SH3RF2: variants seen among roughly 807,000 people sequenced by gnomAD.
SH3RF2 encodes the protein SH3 domain containing ring finger 2.
Under a neutral mutation model 59.0 loss-of-function variants are expected in SH3RF2, and 43 were observed. The ratio of observed to expected loss-of-function variants is 0.73; its 90% confidence interval spans 0.57 to 0.94. The LOEUF is 0.94. Ranked by LOEUF, SH3RF2 falls within the 40% of genes least tolerant of loss-of-function variation. The probability of loss-of-function intolerance (pLI) is 0.00; values close to 1 mark genes in which losing one functional copy is unlikely to be tolerated. For synonymous variants in SH3RF2, 391 were observed against 391.5 expected (o/e 1.00, Z 0.01); for missense variants, 930 against 940.1 (o/e 0.99, Z 0.14).
chr5:145,938,253 C>T lies in SH3RF2; in HGVS notation c.325C>T (p.Leu109=). 6.2e-7 allele frequency: 1 copy of T among 1,604,804 alleles called. No homozygotes were observed. The highest frequency in any genetic ancestry group is 2.2e-5 in the East Asian group (1 of 44,874). The change falls in exon 2 of 10, where the codon CTG becomes TTG. Residue 109 remains leucine, a synonymous_variant. Coordinates refer to ENST00000359120, the MANE Select transcript of SH3RF2 (RefSeq NM_152550.4). ...GAAAAGCAGGACCAACCCCAGACGT[C>T]TGCAGGCCAGTCCTTTCCGGCTAGT... ...GRKSRTNPRR[L]QASPFRLVPN... is the part of the protein sequence containing the mutation.
intron 2 of SH3RF2, among the ~76,000 whole-genome samples, chr5:145,959,127 T>G (rs1441037425): frequency 6.6e-6 from 1 of 152,212 alleles, no homozygotes; most frequent in Non-Finnish European, 1.5e-5. Context: ...AAGGCGACCA[T>G]GGAATTGGCA....
chr5:145,945,213 TAAGATGTGAAAA>T (rs1757965034), intron 2 of SH3RF2, among the ~76,000 whole-genome samples: 1 of 152,132 alleles, frequency 6.6e-6, no homozygotes, highest in South Asian at 2.1e-4. Context: ...TTAGAAATGT[TAAGATGTGAAAA>T]AAGAAGTGTC....
At chr5:146,057,780 A>G (rs73313907) in intron 8 of SH3RF2, among the ~76,000 whole-genome samples, 1 of 152,138 alleles carries the variant, frequency 6.6e-6, no homozygotes, top group African/African-American at 2.4e-5. Flanking sequence ...TCTCTAAAAA[A>G]AAAATTAAAA....
In SH3RF2 at chr5:146,077,357, T is replaced by C. The variant is rs182344271; in HGVS notation, c.*34-1103T>C. Among the ~76,000 whole-genome samples, 54 of 152,354 alleles carry C rather than the reference T, an allele frequency of 3.5e-4. No homozygotes were observed. In the East Asian group the frequency reaches 8.3e-3, roughly 23 times the overall value. ...GAGTTTGGTCATCAAAATACAATAT[T>C]TGAGACCTCAGAGAAATTCTGGGGG... On this transcript the variant is annotated intron_variant, in intron 9 of 9. Transcript: ENST00000511217.
intron 5 of SH3RF2, among the ~76,000 whole-genome samples, chr5:146,030,033 A>C (rs1346136112): frequency 6.6e-6 from 1 of 152,216 alleles, no homozygotes; most frequent in African/African-American, 2.4e-5. Flanking sequence ...TCTGTTTCCA[A>C]GACACTTCAG....
chr5:146,053,097 G>A (rs142996994), intron 7 of SH3RF2, among the ~76,000 whole-genome samples: 1 of 152,186 alleles, frequency 6.6e-6, no homozygotes, highest in East Asian at 1.9e-4. Flanking sequence ...CAGAATTTGG[G>A]GATAAACTAG....
At chr5:145,984,130 A>T (rs1759610602) in intron 2 of SH3RF2, among the ~76,000 whole-genome samples, 1 of 152,152 alleles carries the variant, frequency 6.6e-6, no homozygotes, top group Non-Finnish European at 1.5e-5. Flanking sequence ...TATAAGTCCC[A>T]TAAAGGCAGG....
intron 2 of SH3RF2, chr5:145,997,118 G>T (rs528505878): frequency 1.6e-5 from 10 of 636,072 alleles, no homozygotes; most frequent in African/African-American, 3.6e-5. Context: ...TTGTTGTGCA[G>T]GTTATTTCAT....
At chr5:146,023,427 T>C (rs1239718661) in intron 5 of SH3RF2, among the ~76,000 whole-genome samples, 1 of 152,128 alleles carries the variant, frequency 6.6e-6, no homozygotes, top group Admixed American at 6.5e-5. Context: ...CAGGCTGGTC[T>C]CAAACTCCTG....
intron 7 of SH3RF2, among the ~76,000 whole-genome samples, chr5:146,050,532 A>G (rs548606517): frequency 6.6e-6 from 1 of 152,352 alleles, no homozygotes; most frequent in East Asian, 1.9e-4. Flanking sequence ...AGTTCTTGAA[A>G]TTTGTTACAA....
chr5:145,981,482 C>T lies in SH3RF2; in HGVS notation c.379-18576C>T, dbSNP rs570286483. ...CAGTTGGCTGATAAACTTCCTAAATCTCTTAAGCTCTAGGTTCCCCCACAC... is the reference window on the plus strand; with the variant it reads ...CAGTTGGCTGATAAACTTCCTAAATTTCTTAAGCTCTAGGTTCCCCCACAC... On this transcript the variant is annotated intron_variant, in intron 2 of 9. Transcript: ENST00000359120. Among the ~76,000 whole-genome samples, 6 of 152,316 alleles carry T rather than the reference C, an allele frequency of 3.9e-5. No homozygotes were observed. The South Asian group carries it at 8.3e-4, about 21-fold the overall frequency.
chr5:146,042,845 A>G (rs945368459), intron 5 of SH3RF2, among the ~76,000 whole-genome samples: 1 of 152,186 alleles, frequency 6.6e-6, no homozygotes, highest in Admixed American at 6.5e-5. Flanking sequence ...GATTTCAGCA[A>G]GAATGCCCTT....
chr5:145,975,714 G>A (rs1759263857), intron 2 of SH3RF2, among the ~76,000 whole-genome samples: 1 of 152,204 alleles, frequency 6.6e-6, no homozygotes, highest in South Asian at 2.1e-4. Flanking sequence ...CTTAACACAG[G>A]ACCACTGGAC....
At position 145,959,643 on chromosome 5, in the gene SH3RF2, GTGTGTA is replaced by G. The variant is rs903613971; in HGVS notation, c.378+21343_378+21348del. On this transcript the variant is annotated intron_variant, in intron 2 of 9. Coordinates refer to ENST00000359120, the MANE Select transcript of SH3RF2 (RefSeq NM_152550.4). ...TGTGTGTGTGTGTGTGTGTGTGTGT[GTGTGTA>G]TGTGTGTGTGTGTATACATATATAT... is the stretch of plus-strand genomic sequence containing the variant. Among the ~76,000 whole-genome samples the G allele has an allele frequency of 2.8e-4, 41 of 148,312 alleles. 1 individual carries two copies. Among genetic ancestry groups the G allele is most frequent in the African/African-American group, 9.9e-4 (38 of 38,498 alleles).
chr5:146,011,292 A>G (rs1012568866), intron 4 of SH3RF2, among the ~76,000 whole-genome samples: 15 of 152,110 alleles, frequency 9.9e-5, no homozygotes, highest in Non-Finnish European at 7.4e-5. Context: ...GCCTGGTAGT[A>G]TAGTTTGAAG....
intron 5 of SH3RF2, among the ~76,000 whole-genome samples, chr5:146,032,419 T>G (rs1313299270): frequency 6.6e-6 from 1 of 152,106 alleles, no homozygotes; most frequent in Non-Finnish European, 1.5e-5. Flanking sequence ...GGCTTCAAGA[T>G]CTTCAGCTCT....
intron 9 of SH3RF2, among the ~76,000 whole-genome samples, chr5:146,072,971 A>C (rs1449728250): frequency 6.6e-6 from 1 of 152,240 alleles, no homozygotes; most frequent in Non-Finnish European, 1.5e-5. Context: ...CACAGTGCCT[A>C]GCACAAGAAA....
At chr5:146,077,534 G>C (rs1763361137) in intron 9 of SH3RF2, among the ~76,000 whole-genome samples, 1 of 152,110 alleles carries the variant, frequency 6.6e-6, no homozygotes, top group African/African-American at 2.4e-5. Flanking sequence ...TGGACCATTT[G>C]AGTGTAAGTT....
intron 7 of SH3RF2, among the ~76,000 whole-genome samples, chr5:146,055,476 C>G (rs1009413620): frequency 2.0e-5 from 3 of 152,222 alleles, no homozygotes; most frequent in African/African-American, 7.2e-5. Flanking sequence ...GTGCTGAAAG[C>G]AGCATAGCAG....
Sources: allele counts gnomAD v4.1 joint callset (sites outside exome capture counted in the v4.1 genomes callset), GRCh38; gene constraint gnomAD v4.1.1; transcripts MANE v1.5; gene names NCBI Gene and HGNC (gene_info 2026-07-23, HGNC 2026-07-21).